The following RAB9B variants were observed in gnomAD, a reference collection of about 807,000 sequenced individuals.
RAB9B encodes the protein RAB9B, member RAS oncogene family, also known as ras-related protein Rab-9B.
RAB9B carries 1 observed loss-of-function variant against 8.9 expected under a neutral mutation model. The observed-to-expected ratio is 0.11, with a 90% CI of 0.04 to 0.53. The LOEUF (loss-of-function observed/expected upper bound fraction) is 0.53, where lower values mean the gene tolerates loss of function less well. Among genes scored for constraint, RAB9B ranks in the 20% least tolerant of loss-of-function variants. The pLI is 0.93. For missense variants in RAB9B, 82 were observed against 152.9 expected (o/e 0.54, Z 2.45); for synonymous variants, 63 against 57.0 (o/e 1.10, Z -0.47).
the RAB9B span, among the ~76,000 whole-genome samples, chrX:103,777,323 T>A: frequency 9.0e-6 from 1 of 111,360 alleles, no homozygotes; most frequent in Non-Finnish European, 1.9e-5. Flanking sequence ...TCCAAGGCCC[T>A]GGCAACGGTT....
the RAB9B span, among the ~76,000 whole-genome samples, chrX:103,779,289 C>T: frequency 1.8e-5 from 2 of 112,227 alleles, no homozygotes; most frequent in South Asian, 7.5e-4. Flanking sequence ...ACCCTGGTAA[C>T]CAGACTGTGA....
chrX:103,790,575 A>G, the RAB9B span: 1 of 1,206,866 alleles, frequency 8.3e-7, no homozygotes, highest in Non-Finnish European at 1.1e-6. Context: ...CCTTAAACTC[A>G]TGGGCCGAGG....
the RAB9B span, among the ~76,000 whole-genome samples, chrX:103,782,009 A>C: frequency 8.9e-6 from 1 of 112,333 alleles, no homozygotes; most frequent in Non-Finnish European, 1.9e-5. Flanking sequence ...GTGAAAAATC[A>C]AAGGGAGCCC....
At chrX:103,818,872 C>A (rs992971145), downstream of RAB9B, among the ~76,000 whole-genome samples, 1 of 110,664 alleles carries the variant, frequency 9.0e-6, no homozygotes, top group African/African-American at 3.3e-5. Context: ...CATTTTTCTA[C>A]GGTGGATGTG....
chrX:103,792,648 T>C, the RAB9B span: 2 of 112,843 alleles, frequency 1.8e-5, no homozygotes, highest in Admixed American at 9.4e-5. Flanking sequence ...AATTGTTCTA[T>C]TTGACTTCAC....
chrX:103,816,043 C>T, the RAB9B span, among the ~76,000 whole-genome samples: 50 of 111,819 alleles, frequency 4.5e-4, no homozygotes, highest in Admixed American at 2.8e-3. Flanking sequence ...CCCCATCAAG[C>T]TATCAATGAC....
the RAB9B span, among the ~76,000 whole-genome samples, chrX:103,802,423 C>T: frequency 9.0e-6 from 1 of 111,443 alleles, no homozygotes; most frequent in African/African-American, 3.3e-5. Context: ...ATCCTTTGCT[C>T]TTGAGGGCAC....
chrX:103,787,027 C>G, the RAB9B span: 1 of 336,762 alleles, frequency 3.0e-6, no homozygotes. Context: ...TGTTCCCTTC[C>G]TAGTAGGTAC....
the RAB9B span, among the ~76,000 whole-genome samples, chrX:103,783,356 G>A: frequency 8.9e-6 from 1 of 112,502 alleles, no homozygotes; most frequent in East Asian, 2.8e-4. Flanking sequence ...GCTACAGATT[G>A]CTTCTTATAG....
rs747517766 is a variant in RAB9B, at chrX:103,825,093, G to A, written c.*86C>T. The A allele has an allele frequency of 1.3e-4, 128 of 954,046 alleles. No homozygotes were observed. Among genetic ancestry groups the A allele is most frequent in the Non-Finnish European group, 1.8e-4 (122 of 695,758 alleles). 78.6% of individuals were successfully genotyped at this position (954,046 alleles called of 1,213,427 possible). ...CCTTGTCTCTTACCCTCTTGTGTGC[G>A]TGTGTGTGCACTCTTAGAGGGGCAC... On this transcript the variant is annotated 3_prime_UTR_variant, in exon 3 of 3. Transcript: ENST00000243298.
chrX:103,803,550 A>C, the RAB9B span, among the ~76,000 whole-genome samples: 7 of 112,423 alleles, frequency 6.2e-5, no homozygotes, highest in African/African-American at 1.9e-4. Flanking sequence ...TTTGTCTATT[A>C]TTGTGTTATG....
At chrX:103,804,576 C>T in the RAB9B span, among the ~76,000 whole-genome samples, 1 of 111,506 alleles carries the variant, frequency 9.0e-6, no homozygotes, top group Non-Finnish European at 1.9e-5. Context: ...TTGGATTTTG[C>T]CAGGGATTAT....
At chrX:103,807,154 G>A in the RAB9B span, among the ~76,000 whole-genome samples, 8 of 111,888 alleles carry the variant, frequency 7.2e-5, no homozygotes, top group Non-Finnish European at 1.1e-4. Flanking sequence ...AGAGAGAAAT[G>A]AACAAATGAG....
chrX:103,793,998 T>A, the RAB9B span, among the ~76,000 whole-genome samples: 1 of 112,287 alleles, frequency 8.9e-6, no homozygotes, highest in African/African-American at 3.2e-5. Context: ...CTTAATTCGT[T>A]CTGTGAACAT....
the RAB9B span, among the ~76,000 whole-genome samples, chrX:103,815,863 A>G: frequency 8.9e-6 from 1 of 111,789 alleles, no homozygotes; most frequent in Non-Finnish European, 1.9e-5. Context: ...GTGCCTAGGA[A>G]TACAACTTAC....
chrX:103,790,412 T>G, the RAB9B span: 1 of 614,909 alleles, frequency 1.6e-6, no homozygotes, highest in Non-Finnish European at 2.8e-6. Flanking sequence ...GAGCATGGGT[T>G]TTTCCCTTAT....
the RAB9B span, among the ~76,000 whole-genome samples, chrX:103,810,886 T>C: frequency 8.9e-6 from 1 of 112,139 alleles, no homozygotes; most frequent in Admixed American, 9.5e-5. Context: ...GATATTTATT[T>C]AATTGCTACA....
chrX:103,784,885 A>G, the RAB9B span, among the ~76,000 whole-genome samples: 5 of 112,349 alleles, frequency 4.5e-5, no homozygotes, highest in African/African-American at 1.6e-4. Context: ...AATGCTGGGC[A>G]TATAGTGAGT....
At chrX:103,788,019 A>G in the RAB9B span, 2 of 990,903 alleles carry the variant, frequency 2.0e-6, no homozygotes, top group Non-Finnish European at 2.9e-6. Context: ...GAAGCACTAT[A>G]TATTTGGTTA....
Sources: gnomAD v4.1 joint callset for allele counts (sites outside exome capture counted in the v4.1 genomes callset) on GRCh38, gnomAD v4.1.1 for gene constraint, MANE v1.5 for transcripts, NCBI Gene and HGNC (gene_info 2026-07-23, HGNC 2026-07-21) for gene names.